SH3TC2: variants seen among roughly 807,000 people sequenced by gnomAD.
The protein encoded by SH3TC2 is SH3 domain and tetratricopeptide repeat-containing protein 2.
In SH3TC2, 87 loss-of-function variants were observed where a neutral mutation model predicts 124.5. The observed-to-expected ratio is 0.70, with a 90% confidence interval of 0.59 to 0.84. The LOEUF is 0.84. Ranked by LOEUF, SH3TC2 falls within the 40% of genes least tolerant of loss-of-function variation. The pLI, the probability that SH3TC2 is intolerant of heterozygous loss-of-function variation, is 0.00. For missense variants in SH3TC2, 1,536 were observed against 1,566.4 expected, an observed-to-expected ratio of 0.98 and a Z score of 0.33; for synonymous variants, 634 against 628.5, an observed-to-expected ratio of 1.01 and a Z score of -0.13.
intron 5 of SH3TC2, 125 bp downstream of exon 5, chr5:149,042,569 T>A (rs1754389791): frequency 8.8e-7 from 1 of 1,138,454 alleles, no homozygotes; most frequent in African/African-American, 1.5e-5. Context: ...TTATAACAGG[T>A]GGGTTCATTT....
At chr5:149,031,197 C>T (rs1754186016) in intron 9 of SH3TC2, among the ~76,000 whole-genome samples, 1 of 152,136 alleles carries the variant, frequency 6.6e-6, no homozygotes, top group African/African-American at 2.4e-5. Flanking sequence ...GTAACATTTA[C>T]AGCCCCACCC....
At position 149,027,502 on chromosome 5, in the gene SH3TC2, G is replaced by A; in HGVS notation, c.2230C>T (p.Leu744=). ...ALACPMLRQA[L]AACEELADRS... ...TCTGCTAGTTCCTCACAGGCAGCCAGGGCCTGTCTGAGCATTGGGCAGGCC... is the reference window on the plus strand; with the variant it reads ...TCTGCTAGTTCCTCACAGGCAGCCAAGGCCTGTCTGAGCATTGGGCAGGCC... The change falls in exon 11 of 17, where the codon CTG becomes TTG. Residue 744 remains leucine (L), a synonymous_variant. Transcript: ENST00000515425. 1 of 1,614,202 alleles carries A rather than the reference G, an allele frequency of 6.2e-7. No homozygotes were observed. Among genetic ancestry groups the A allele is most frequent in the Non-Finnish European group, 8.5e-7 (1 of 1,180,032 alleles).
chr5:149,062,297 GA>G (rs1754766482), intron 1 of SH3TC2: 6 of 526,250 alleles, frequency 1.1e-5, no homozygotes, highest in Admixed American at 8.0e-5. Flanking sequence ...ATTCTCCTCT[GA>G]AAAAAAGCAA....
At chr5:149,013,554 T>C (rs947561314) in intron 12 of SH3TC2, among the ~76,000 whole-genome samples, 8 of 152,164 alleles carry the variant, frequency 5.3e-5, no homozygotes, top group African/African-American at 1.9e-4. Flanking sequence ...GTGACAACAG[T>C]GGTAACTTTA....
intron 12 of SH3TC2, among the ~76,000 whole-genome samples, chr5:149,015,650 C>G (rs1753859016): frequency 6.6e-6 from 1 of 152,152 alleles, no homozygotes; most frequent in African/African-American, 2.4e-5. Context: ...TCTTCCCTGC[C>G]TGAACATCAG....
Position 149,002,075 on chromosome 5 carries a change from T to A in SH3TC2, c.*2636A>T, listed in dbSNP as rs1170789129. On this transcript the variant is annotated 3_prime_UTR_variant, in exon 17 of 17. Coordinates refer to ENST00000515425, the MANE Select transcript of SH3TC2 (RefSeq NM_024577.4). ...TGTACTCTTCACCCACCGGCCAATA[T>A]CAAAAGCCTCATGCAGTTGTGGGAA... The A allele has an allele frequency of 6.6e-6, 1 of 152,564 alleles. No individual in the cohort carries two copies. Among genetic ancestry groups the A allele is most frequent in the Non-Finnish European group, 1.5e-5 (1 of 68,030 alleles). The allele number at this position is 152,564 out of a possible 1,614,324, so 9.5% of individuals were successfully genotyped here.
chr5:149,048,762 A>G (rs755575903), intron 2 of SH3TC2, among the ~76,000 whole-genome samples: 30 of 152,080 alleles, frequency 2.0e-4, no homozygotes, highest in Non-Finnish European at 3.8e-4. Flanking sequence ...GAGCGCTATG[A>G]AAAAAAATTA....
chr5:149,031,324 G>T (rs1287088016), intron 9 of SH3TC2, among the ~76,000 whole-genome samples: 1 of 152,122 alleles, frequency 6.6e-6, no homozygotes, highest in African/African-American at 2.4e-5. Context: ...CGGTATAGGT[G>T]AGTTGGTTTC....
In SH3TC2 at chr5:148,999,674, T is replaced by C. The variant is rs923833874; in HGVS notation, c.*5037A>G. On this transcript the variant is annotated 3_prime_UTR_variant, in exon 17 of 17. Transcript: ENST00000515425. ...ATTAGTGGGGAAAACTGTTGATATCTGAATCAAGGCTGGAGTGTTGTGTTG... is the reference window on the plus strand; with the variant it reads ...ATTAGTGGGGAAAACTGTTGATATCCGAATCAAGGCTGGAGTGTTGTGTTG... 6.6e-6 allele frequency among the ~76,000 whole-genome samples: 1 copy of C among 152,232 alleles called. No homozygotes were observed. The highest frequency in any genetic ancestry group is 1.5e-5 in the Non-Finnish European group (1 of 68,044).
rs1243784121 is a variant in SH3TC2, at chr5:149,000,007, G to A, written c.*4704C>T. 2.0e-5 allele frequency among the ~76,000 whole-genome samples: 3 copies of A among 152,154 alleles called. No individual in the cohort carries two copies. Among genetic ancestry groups the A allele is most frequent in the Non-Finnish European group, 4.4e-5 (3 of 68,040 alleles). On this transcript the variant is annotated 3_prime_UTR_variant, in exon 17 of 17. Coordinates refer to ENST00000515425, the MANE Select transcript of SH3TC2 (RefSeq NM_024577.4). ...ATACCAACCTGCTGGTCTGCAGTTA[G>A]AATTAAGTAAGTGTCCCTTTCAGAA... is the stretch of plus-strand genomic sequence containing the variant.
At chr5:149,049,084 T>C (rs1754513782) in intron 2 of SH3TC2, among the ~76,000 whole-genome samples, 1 of 152,204 alleles carries the variant, frequency 6.6e-6, no homozygotes, top group African/African-American at 2.4e-5. Context: ...CTTCTACCTT[T>C]AAAAGGCCTG....
intron 2 of SH3TC2, among the ~76,000 whole-genome samples, chr5:149,050,273 T>G (rs1754534667): frequency 6.6e-6 from 1 of 152,242 alleles, no homozygotes. Flanking sequence ...AATATCATTT[T>G]CATGAAGTGT....
chr5:149,008,980 T>C lies in SH3TC2; in HGVS notation c.3349A>G (p.Arg1117Gly). Residue 1117 changes from arginine (R) to glycine (G), a missense_variant, in exon 15 of 17, where the codon AGG (arginine) becomes GGG (glycine). By Grantham distance (125) the Arg-to-Gly change is moderately radical. Around this residue, in one of 3 missense-constraint regions of SH3TC2, gnomAD observed 426 missense variants for 443.5 expected, o/e 0.96. Transcript: ENST00000515425. ...YYRAGAVPLARRLKAVRTELR... is the reference protein window; with the variant it reads ...YYRAGAVPLAGRLKAVRTELR... ...TCAGTTCTCACCGCCTTCAACCTCCTTGCTAAAGGAACAGCTCCAGCCTAG... is the reference window on the plus strand; with the variant it reads ...TCAGTTCTCACCGCCTTCAACCTCCCTGCTAAAGGAACAGCTCCAGCCTAG... 1.2e-6 allele frequency: 2 copies of C among 1,614,174 alleles called. No homozygotes were observed. Among genetic ancestry groups the C allele is most frequent in the Non-Finnish European group, 1.7e-6 (2 of 1,180,022 alleles).
In SH3TC2 at chr5:149,003,810, C is replaced by T. The variant is rs767383752; in HGVS notation, c.*901G>A. The T allele has an allele frequency of 2.4e-6, 1 of 418,174 alleles. No individual in the cohort carries two copies. Among genetic ancestry groups the T allele is most frequent in the South Asian group, 1.7e-5 (1 of 59,990 alleles). 25.9% of individuals were successfully genotyped at this position (418,174 alleles called of 1,614,324 possible). A position where few individuals can be genotyped will look rare whatever the true frequency, so the allele number is the denominator to read the frequency against. On this transcript the variant is annotated 3_prime_UTR_variant, in exon 17 of 17. Coordinates refer to ENST00000515425, the MANE Select transcript of SH3TC2 (RefSeq NM_024577.4). Reference sequence around the variant, plus strand: ...AGGTCGCAGGAAGCCCTGACTGTACCACTGAACTCCAGCCTGGGCAACAGA... The same window carrying T: ...AGGTCGCAGGAAGCCCTGACTGTACTACTGAACTCCAGCCTGGGCAACAGA...
chr5:148,990,791 A>G lies in SH3TC2; in HGVS notation c.*13920T>C, dbSNP rs1441684965. 6.6e-6 allele frequency among the ~76,000 whole-genome samples: 1 copy of G among 152,244 alleles called. No homozygotes were observed. The highest frequency in any genetic ancestry group is 1.5e-5 in the Non-Finnish European group (1 of 68,048). ...GAGTATACAGGATACAAAATATAAT[A>G]GCAATTATATATTAAATATTTGCAA... On this transcript the variant is annotated 3_prime_UTR_variant, in exon 17 of 17. Transcript: ENST00000515425.
At chr5:149,042,020 A>G (rs376057434) in intron 5 of SH3TC2, among the ~76,000 whole-genome samples, 3 of 152,346 alleles carry the variant, frequency 2.0e-5, no homozygotes, top group African/African-American at 7.2e-5. Flanking sequence ...AATTACTCCA[A>G]TAAGTTTTAT....
At position 149,012,677 on chromosome 5, in the gene SH3TC2, C is replaced by A. The variant is rs921358744; in HGVS notation, c.3111G>T (p.Leu1037=). The stretch of plus-strand genomic sequence containing the variant: ...CCTCAGCAGCCTTGTCTGTCTCCCC[C>A]AGGTCAATGAAGATACGCAGGCTCT... ...IKESLRIFID[L]GETDKAAEAW... is the part of the protein sequence containing the mutation. The change falls in exon 13 of 17, where the codon CTG becomes CTT. Residue 1037 remains leucine (L), a synonymous_variant. Coordinates refer to ENST00000515425, the MANE Select transcript of SH3TC2 (RefSeq NM_024577.4). 1.2e-6 allele frequency: 2 copies of A among 1,614,088 alleles called. No homozygotes were observed. Among genetic ancestry groups the A allele is most frequent in the African/African-American group, 2.7e-5 (2 of 74,928 alleles).
intron 7 of SH3TC2, among the ~76,000 whole-genome samples, chr5:149,039,970 T>G (rs1225047806): frequency 6.6e-6 from 1 of 152,044 alleles, no homozygotes; most frequent in Non-Finnish European, 1.5e-5. Flanking sequence ...GAAGGGGAGT[T>G]CTAAAGATGA....
At chr5:149,014,122 T>C (rs1753830705) in intron 12 of SH3TC2, among the ~76,000 whole-genome samples, 1 of 152,208 alleles carries the variant, frequency 6.6e-6, no homozygotes, top group Non-Finnish European at 1.5e-5. Context: ...AGTAGCAACC[T>C]AGGACTTGTC....
Sources: allele counts gnomAD v4.1 joint callset (sites outside exome capture counted in the v4.1 genomes callset), GRCh38; gene constraint gnomAD v4.1.1; regional missense constraint gnomAD v4.1.1; transcripts MANE v1.5; gene names NCBI Gene and HGNC (gene_info 2026-07-23, HGNC 2026-07-21).